SP6: variants seen among roughly 807,000 people sequenced by gnomAD.
SP6 encodes the protein transcription factor Sp6.
A neutral mutation model predicts 23.4 loss-of-function variants in SP6; 10 were observed. That is an observed-to-expected ratio of 0.43 (90% confidence interval 0.26 to 0.72). SP6 has a LOEUF of 0.72. SP6 is among the 30% of genes least tolerant of loss of function. SP6 has a pLI of 0.23. For missense variants in SP6, 482 were observed against 523.8 expected (o/e 0.92, Z 0.78); for synonymous variants, 238 against 238.7 (o/e 1.00, Z 0.03).
the SP6 span, among the ~76,000 whole-genome samples, chr17:47,863,049 T>A: frequency 6.6e-6 from 1 of 152,378 alleles, no homozygotes; most frequent in East Asian, 1.9e-4. Context: ...CGGTGCCAGG[T>A]TGGCAGTCCT....
chr17:47,858,463 G>A (rs75525344), upstream of SP6, among the ~76,000 whole-genome samples: 464 of 152,274 alleles, frequency 3.0e-3, 10 homozygotes, highest in East Asian at 0.062. Context: ...GGGGGAGGCT[G>A]GGCTAAGTAA....
At chr17:47,856,927 A>G (rs986428635), upstream of SP6, among the ~76,000 whole-genome samples, 1 of 151,924 alleles carries the variant, frequency 6.6e-6, no homozygotes, top group African/African-American at 2.4e-5. Flanking sequence ...TACCCTCAGC[A>G]ACCTCTAGAC....
upstream of SP6, among the ~76,000 whole-genome samples, chr17:47,859,729 C>T (rs912989842): frequency 6.6e-6 from 1 of 152,126 alleles, no homozygotes; most frequent in African/African-American, 2.4e-5. Context: ...CCTGGCTGGC[C>T]CTGGTTGTGT....
chr17:47,867,637 C>T, the SP6 span, among the ~76,000 whole-genome samples: 2 of 152,012 alleles, frequency 1.3e-5, no homozygotes, highest in East Asian at 3.9e-4. Context: ...CCCATGGACC[C>T]ACTCAGCTTC....
At chr17:47,849,931 C>CAA (rs2033937114) in intron 1 of SP6, among the ~76,000 whole-genome samples, 1 of 152,148 alleles carries the variant, frequency 6.6e-6, no homozygotes, top group Non-Finnish European at 1.5e-5. Flanking sequence ...CAGGGCTTAG[C>CAA]TGACCCTACC....
At chr17:47,860,217 C>T (rs1372166053), upstream of SP6, among the ~76,000 whole-genome samples, 2 of 152,198 alleles carry the variant, frequency 1.3e-5, no homozygotes, top group East Asian at 3.8e-4. Flanking sequence ...AAATGCTCTT[C>T]CCCATTTCTC....
rs2033870014 is a variant in SP6, at chr17:47,845,057, G to A, written c.*2242C>T. ...ACTGCCTAGAAAGACAGGCAGCCAA[G>A]CAGCCTAGATCTATAAAAGAGGGGA... is the stretch of plus-strand genomic sequence containing the variant. On this transcript the variant is annotated 3_prime_UTR_variant, in exon 2 of 2. Transcript: ENST00000536300. The A allele has an allele frequency of 6.6e-6, 1 of 152,422 alleles. No homozygotes were observed. The highest frequency in any genetic ancestry group is 1.5e-5 in the Non-Finnish European group (1 of 68,040). 9.4% of individuals were successfully genotyped at this position (152,422 alleles called of 1,614,324 possible). A position where few individuals can be genotyped will look rare whatever the true frequency, so the allele number is the denominator to read the frequency against.
At chr17:47,859,358 C>T (rs548889478), upstream of SP6, among the ~76,000 whole-genome samples, 5 of 152,328 alleles carry the variant, frequency 3.3e-5, no homozygotes, top group African/African-American at 7.2e-5. Context: ...GGCACATAGG[C>T]GGCTTTCTCT....
At chr17:47,867,403 G>C in the SP6 span, among the ~76,000 whole-genome samples, 2 of 152,034 alleles carry the variant, frequency 1.3e-5, no homozygotes, top group African/African-American at 4.8e-5. Context: ...GTCTATCTAA[G>C]AATTCTGACA....
chr17:47,846,287 T>C lies in SP6; in HGVS notation c.*1012A>G, dbSNP rs1598057005. 6.6e-6 allele frequency: 1 copy of C among 151,950 alleles called. No homozygotes were observed. The highest frequency in any genetic ancestry group is 6.6e-5 in the Admixed American group (1 of 15,244). 9.4% of individuals were successfully genotyped at this position (151,950 alleles called of 1,614,324 possible). On this transcript the variant is annotated 3_prime_UTR_variant, in exon 2 of 2. Coordinates refer to ENST00000536300, the MANE Select transcript of SP6 (RefSeq NM_001258248.2). ...CACTCTGAGTGGGAACCAGTGGAGGTCCCTCTGATGAGACACCCCCAATCT... is the reference window on the plus strand; with the variant it reads ...CACTCTGAGTGGGAACCAGTGGAGGCCCCTCTGATGAGACACCCCCAATCT...
the SP6 span, among the ~76,000 whole-genome samples, chr17:47,875,846 G>T: frequency 6.6e-6 from 1 of 152,010 alleles, no homozygotes; most frequent in South Asian, 2.1e-4. Context: ...ACACACTTTC[G>T]ATCTTTTTCC....
At chr17:47,869,218 C>A in the SP6 span, among the ~76,000 whole-genome samples, 1 of 152,234 alleles carries the variant, frequency 6.6e-6, no homozygotes, top group Non-Finnish European at 1.5e-5. Context: ...CCAAGCTGGA[C>A]AGGAGGCCAA....
the SP6 span, among the ~76,000 whole-genome samples, chr17:47,872,400 C>G: frequency 6.6e-6 from 1 of 152,106 alleles, no homozygotes; most frequent in Admixed American, 6.5e-5. Context: ...CGGGAAAGGA[C>G]AGTTTGGGAC....
the SP6 span, among the ~76,000 whole-genome samples, chr17:47,869,954 C>T: frequency 6.6e-6 from 1 of 152,136 alleles, no homozygotes; most frequent in Admixed American, 6.5e-5. Flanking sequence ...CTTATGATTC[C>T]TTTAAGGGGC....
At chr17:47,854,814 C>T (rs2033986678), upstream of SP6, among the ~76,000 whole-genome samples, 1 of 152,136 alleles carries the variant, frequency 6.6e-6, no homozygotes, top group African/African-American at 2.4e-5. Context: ...AGAAGCAGAG[C>T]TGGGACCAGA....
At chr17:47,851,542 C>T (rs1303973912), upstream of SP6, among the ~76,000 whole-genome samples, 1 of 152,208 alleles carries the variant, frequency 6.6e-6, no homozygotes, top group Non-Finnish European at 1.5e-5. Flanking sequence ...GGCAGCAACC[C>T]TTAGGTTGCC....
chr17:47,869,256 T>C, the SP6 span, among the ~76,000 whole-genome samples: 1 of 152,310 alleles, frequency 6.6e-6, no homozygotes, highest in South Asian at 2.1e-4. Flanking sequence ...AGTCCTTTCA[T>C]CCTGAGATCT....
At chr17:47,857,256 A>G (rs1428447188), upstream of SP6, among the ~76,000 whole-genome samples, 3 of 152,158 alleles carry the variant, frequency 2.0e-5, no homozygotes, top group Non-Finnish European at 4.4e-5. Context: ...ACAGAAAATC[A>G]GAGTGGGGAG....
chr17:47,869,755 G>C, the SP6 span, among the ~76,000 whole-genome samples: 1 of 152,170 alleles, frequency 6.6e-6, no homozygotes, highest in Non-Finnish European at 1.5e-5. Context: ...GGGTGCTTTG[G>C]GGTGTTGGTA....
Sources: allele counts gnomAD v4.1 joint callset (sites outside exome capture counted in the v4.1 genomes callset), GRCh38; gene constraint gnomAD v4.1.1; transcripts MANE v1.5; gene names NCBI Gene and HGNC (gene_info 2026-07-23, HGNC 2026-07-21).